Variants in RIMS1 observed in about 807,000 individuals in gnomAD.
RIMS1 encodes the protein regulating synaptic membrane exocytosis protein 1.
In RIMS1, 83 loss-of-function variants were observed where a neutral mutation model predicts 214.1. That is an observed-to-expected ratio of 0.39 (90% confidence interval 0.32 to 0.47). RIMS1 has a LOEUF of 0.47. RIMS1 is among the 20% of genes least tolerant of loss of function. RIMS1 has a pLI of 0.99. For synonymous variants in RIMS1, 793 were observed against 786.8 expected (o/e 1.01, Z -0.13); for missense variants, 2,050 against 2,161.8 (o/e 0.95, Z 1.03).
chr6:71,917,165 T>A (rs1778668918), intron 1 of RIMS1, among the ~76,000 whole-genome samples: 2 of 152,160 alleles, frequency 1.3e-5, no homozygotes, highest in South Asian at 4.1e-4. Flanking sequence ...ATGAGTTAAA[T>A]ACACATAAGG....
chr6:72,363,967 C>T (rs770719486), intron 29 of RIMS1, among the ~76,000 whole-genome samples: 1 of 152,210 alleles, frequency 6.6e-6, no homozygotes, highest in Non-Finnish European at 1.5e-5. Flanking sequence ...GGCTTAAACA[C>T]TCCAAGACTG....
At chr6:72,271,276 AAAAAAAAAAAAT>A (rs1316811911) in intron 22 of RIMS1, among the ~76,000 whole-genome samples, 2 of 49,618 alleles carry the variant, frequency 4.0e-5, no homozygotes, top group African/African-American at 1.8e-4. Context: ...AAGGAAAAAA[AAAAAAAAAAAAT>A]ATATATATAT....
At chr6:72,368,270 A>G (rs2098105458) in intron 29 of RIMS1, among the ~76,000 whole-genome samples, 1 of 149,730 alleles carries the variant, frequency 6.7e-6, no homozygotes, top group African/African-American at 2.5e-5. Flanking sequence ...TAAGACCAAC[A>G]GTACAGAATC....
At chr6:72,385,304 A>T (rs528576415) in intron 29 of RIMS1, among the ~76,000 whole-genome samples, 1 of 152,218 alleles carries the variant, frequency 6.6e-6, no homozygotes, top group East Asian at 1.9e-4. Flanking sequence ...GACATTAAAC[A>T]TATTACATAG....
intron 9 of RIMS1, among the ~76,000 whole-genome samples, chr6:72,238,833 T>G (rs1406268527): frequency 6.6e-6 from 1 of 152,172 alleles, no homozygotes; most frequent in Non-Finnish European, 1.5e-5. Flanking sequence ...CTTGAAAACT[T>G]TGGCAAAATA....
At chr6:72,173,999 A>T (rs2047383797) in intron 4 of RIMS1, among the ~76,000 whole-genome samples, 1 of 151,224 alleles carries the variant, frequency 6.6e-6, no homozygotes, top group Admixed American at 6.6e-5. Context: ...AAAAAAAAAG[A>T]CAAATAGTCA....
intron 1 of RIMS1, among the ~76,000 whole-genome samples, chr6:71,947,559 G>C (rs1225075962): frequency 6.6e-6 from 1 of 152,034 alleles, no homozygotes; most frequent in Non-Finnish European, 1.5e-5. Flanking sequence ...GAGAGGATTG[G>C]GGAGATGTTG....
chr6:72,107,515 C>T (rs1481436254), intron 4 of RIMS1, among the ~76,000 whole-genome samples: 1 of 151,958 alleles, frequency 6.6e-6, no homozygotes, highest in African/African-American at 2.4e-5. Context: ...GAGCCAAGAT[C>T]GCATCACTGT....
intron 9 of RIMS1, among the ~76,000 whole-genome samples, chr6:72,238,969 G>A (rs1450056893): frequency 1.3e-5 from 2 of 151,666 alleles, no homozygotes; most frequent in African/African-American, 2.4e-5. Context: ...AACTCTAATC[G>A]GATTTTTCTC....
At chr6:72,323,625 G>A (rs2096285018) in intron 28 of RIMS1, among the ~76,000 whole-genome samples, 1 of 151,788 alleles carries the variant, frequency 6.6e-6, no homozygotes, top group Non-Finnish European at 1.5e-5. Context: ...TAGAGTCCCA[G>A]AAGGAGAGGA....
At chr6:72,190,377 C>T (rs2049861734) in intron 6 of RIMS1, among the ~76,000 whole-genome samples, 2 of 149,878 alleles carry the variant, frequency 1.3e-5, no homozygotes, top group African/African-American at 4.9e-5. Flanking sequence ...GCAGGAGAAT[C>T]ATTTGAACCC....
At chr6:72,117,222 C>G (rs2037264025) in intron 4 of RIMS1, among the ~76,000 whole-genome samples, 1 of 151,902 alleles carries the variant, frequency 6.6e-6, no homozygotes, top group Non-Finnish European at 1.5e-5. Flanking sequence ...TCTCTTAGTT[C>G]CTGGGCCATA....
At position 72,082,266 on chromosome 6, in the gene RIMS1, A is replaced by C. The variant is rs528122488; in HGVS notation, c.246-14683A>C. On this transcript the variant is annotated intron_variant, in intron 2 of 33. Coordinates refer to ENST00000521978, the MANE Select transcript of RIMS1 (RefSeq NM_014989.7). Reference sequence around the variant, plus strand: ...GAATAATGTTACACTTCACAGGACCATAATAGATGTTTTATCTGATTTTTG... The same window carrying C: ...GAATAATGTTACACTTCACAGGACCCTAATAGATGTTTTATCTGATTTTTG... 2.6e-5 allele frequency among the ~76,000 whole-genome samples: 4 copies of C among 152,352 alleles called. No homozygotes were observed. In the South Asian group the frequency reaches 8.3e-4, roughly 32 times the overall value.
chr6:72,334,065 A>T (rs940503328), intron 29 of RIMS1, among the ~76,000 whole-genome samples: 1 of 151,880 alleles, frequency 6.6e-6, no homozygotes. Context: ...TTTTTTAATT[A>T]AAAAAATTAA....
At chr6:71,978,980 C>T (rs79162947) in intron 2 of RIMS1, among the ~76,000 whole-genome samples, 2,476 of 152,092 alleles carry the variant, frequency 0.016, 77 homozygotes, top group African/African-American at 0.055. Flanking sequence ...AATTGTGTGG[C>T]TTTTATAGTC....
rs372037116 is a variant in RIMS1 at position 72,158,833 on chromosome 6, G to T, written c.472-20742G>T. Among the ~76,000 whole-genome samples, 3 of 139,808 alleles carry T rather than the reference G, an allele frequency of 2.1e-5. 1 individual carries two copies. The highest frequency in any genetic ancestry group is 2.0e-4 in the East Asian group (1 of 4,958). 91.7% of individuals were successfully genotyped at this position (139,808 alleles called of 152,430 possible). ...TTGTTGGACATTGGATTGGTTCCAG[G>T]TCTTTGCTATTGTGAATGGTGTGGC... On this transcript the variant is annotated intron_variant, in intron 4 of 33. Transcript: ENST00000521978.
intron 4 of RIMS1, among the ~76,000 whole-genome samples, chr6:72,102,815 A>C (rs563256156): frequency 6.6e-6 from 1 of 152,246 alleles, no homozygotes; most frequent in East Asian, 1.9e-4. Flanking sequence ...AACCAAGAAA[A>C]ATAACCATTT....
At chr6:72,276,548 TTAAAA>T (rs1308727871) in intron 23 of RIMS1, among the ~76,000 whole-genome samples, 8 of 152,096 alleles carry the variant, frequency 5.3e-5, no homozygotes, top group Admixed American at 3.3e-4. Context: ...GATAAGATTA[TTAAAA>T]TAAATTATTA....
At chr6:71,905,239 C>T (rs1304466058) in intron 1 of RIMS1, among the ~76,000 whole-genome samples, 2 of 151,928 alleles carry the variant, frequency 1.3e-5, no homozygotes, top group Middle Eastern at 3.2e-3. Flanking sequence ...ATAATTTAGT[C>T]CAAATATCTC....
Sources: allele counts gnomAD v4.1 joint callset (sites outside exome capture counted in the v4.1 genomes callset), GRCh38; gene constraint gnomAD v4.1.1; transcripts MANE v1.5; gene names NCBI Gene and HGNC (gene_info 2026-07-23, HGNC 2026-07-21).